NOS1AP: variants seen among roughly 807,000 people sequenced by gnomAD.
NOS1AP encodes nitric oxide synthase 1 adaptor protein.
Under a neutral mutation model 56.2 loss-of-function variants are expected in NOS1AP, and 21 were observed. That is an observed-to-expected ratio of 0.37 (90% CI 0.26 to 0.54). NOS1AP has a LOEUF of 0.54. NOS1AP is among the 20% of genes least tolerant of loss of function. The pLI is 0.84. For synonymous variants in NOS1AP, 270 were observed against 274.6 expected (o/e 0.98, Z 0.17); for missense variants, 522 against 657.8 (o/e 0.79, Z 2.26).
chr1:162,152,041 T>G (rs1649732280), intron 1 of NOS1AP, among the ~76,000 whole-genome samples: 2 of 152,170 alleles, frequency 1.3e-5, no homozygotes, highest in African/African-American at 4.8e-5. Context: ...AGCTGCCTCT[T>G]CTCTCCACCT....
chr1:162,260,764 A>G (rs181140527), intron 2 of NOS1AP, among the ~76,000 whole-genome samples: 38 of 145,908 alleles, frequency 2.6e-4, no homozygotes, highest in African/African-American at 6.1e-4. Context: ...TCTTTTGACT[A>G]TTGTCAAGGG....
rs1252793529 is a variant in NOS1AP, at chr1:162,188,633, G to A, written c.177+34157G>A. Among the ~76,000 whole-genome samples, 2 of 152,348 alleles carry A rather than the reference G, an allele frequency of 1.3e-5. No homozygotes were observed. Among genetic ancestry groups the A allele is most frequent in the East Asian group, 1.9e-4 (1 of 5,190 alleles). On this transcript the variant is annotated intron_variant, in intron 2 of 9. Transcript: ENST00000361897. The surrounding 1 kb of genome is among the most constrained non-coding windows in gnomAD (Gnocchi z 4.0). ...CGAATCTTTGGAAAAAGTGACAGAG[G>A]TGCTTTGAATGTGGGCTGCATGTGT...
chr1:162,104,955 G>A (rs1028089246), intron 1 of NOS1AP, among the ~76,000 whole-genome samples: 3 of 152,200 alleles, frequency 2.0e-5, no homozygotes, highest in African/African-American at 7.2e-5. Context: ...TGCTGGAGAG[G>A]TGTTGTGGTC....
chr1:162,283,624 C>G (rs542006691), intron 2 of NOS1AP, among the ~76,000 whole-genome samples: 1 of 152,318 alleles, frequency 6.6e-6, no homozygotes, highest in Non-Finnish European at 1.5e-5. Flanking sequence ...GCTTCCCCTT[C>G]CTGGACCTCA....
intron 3 of NOS1AP, among the ~76,000 whole-genome samples, chr1:162,295,379 G>A (rs990123528): frequency 1.3e-5 from 2 of 152,144 alleles, no homozygotes; most frequent in Non-Finnish European, 2.9e-5. Flanking sequence ...AGACTTCAAA[G>A]ACAGTTAAAC....
At chr1:162,172,127 C>T (rs1650816278) in intron 2 of NOS1AP, among the ~76,000 whole-genome samples, 1 of 152,168 alleles carries the variant, frequency 6.6e-6, no homozygotes, top group South Asian at 2.1e-4. Context: ...TAAGACCTCT[C>T]TGTAAAGCAA....
intron 6 of NOS1AP, among the ~76,000 whole-genome samples, chr1:162,350,450 G>A (rs1195766285): frequency 6.6e-6 from 1 of 152,242 alleles, no homozygotes; most frequent in African/African-American, 2.4e-5. Context: ...CCATCCCTGG[G>A]ACTCCAAGCC....
rs564015467 is a variant in NOS1AP, at chr1:162,297,220, A to G, written c.271-3413A>G. ...TGGGGTTTCACAGCCTCTTTGATGT[A>G]TTGGGTCATTGGCTCCTCTCAGTCA... On this transcript the variant is annotated intron_variant, in intron 3 of 9. Transcript: ENST00000361897. 4.6e-5 allele frequency among the ~76,000 whole-genome samples: 7 copies of G among 152,306 alleles called. No homozygotes were observed. In the East Asian group the frequency reaches 1.3e-3, roughly 29 times the overall value.
chr1:162,336,505 C>T (rs6700867), intron 5 of NOS1AP, among the ~76,000 whole-genome samples: 14,302 of 152,246 alleles, frequency 0.094, 996 homozygotes, highest in African/African-American at 0.18. Flanking sequence ...CTCCTTAACT[C>T]CGAATGGCCC....
intron 1 of NOS1AP, among the ~76,000 whole-genome samples, chr1:162,130,464 A>G (rs1317321797): frequency 6.6e-6 from 1 of 152,168 alleles, no homozygotes; most frequent in Admixed American, 6.5e-5. Flanking sequence ...ACAGGTGTTG[A>G]GCATTCAGCT....
At chr1:162,357,939 G>A (rs1462221105) in intron 8 of NOS1AP, among the ~76,000 whole-genome samples, 2 of 148,548 alleles carry the variant, frequency 1.3e-5, no homozygotes, top group Non-Finnish European at 3.1e-5. Context: ...GAATGGTGAA[G>A]ACATTCATTC....
intron 2 of NOS1AP, among the ~76,000 whole-genome samples, chr1:162,248,537 C>T (rs1386003570): frequency 2.0e-5 from 3 of 152,122 alleles, no homozygotes; most frequent in Admixed American, 1.3e-4. Flanking sequence ...TAATATGCTC[C>T]GCTTTTACCT....
chr1:162,204,670 C>A lies in NOS1AP; in HGVS notation c.177+50194C>A, dbSNP rs538247027. On this transcript the variant is annotated intron_variant, in intron 2 of 9. Transcript: ENST00000361897. The stretch of plus-strand genomic sequence containing the variant: ...TGCCTCTTGTCATATAGTGTGGAGT[C>A]CTAGCTTTTGATCAGTGCAGCTGCT... Among the ~76,000 whole-genome samples the A allele has an allele frequency of 2.6e-5, 4 of 152,310 alleles. No homozygotes were observed. The East Asian group carries it at 7.7e-4, about 29-fold the overall frequency.
intron 1 of NOS1AP, among the ~76,000 whole-genome samples, chr1:162,126,252 A>T (rs1303178121): frequency 2.6e-5 from 4 of 152,122 alleles, no homozygotes; most frequent in African/African-American, 9.7e-5. Flanking sequence ...TTCTTTTCCA[A>T]TTTGGGTGCC....
chr1:162,256,126 A>C (rs1363898420), intron 2 of NOS1AP, among the ~76,000 whole-genome samples: 4 of 152,140 alleles, frequency 2.6e-5, no homozygotes, highest in Non-Finnish European at 5.9e-5. Flanking sequence ...CCTGGGCAAC[A>C]GAGTGAGACT....
At chr1:162,190,192 G>A (rs1651575020) in intron 2 of NOS1AP, among the ~76,000 whole-genome samples, 1 of 152,136 alleles carries the variant, frequency 6.6e-6, no homozygotes, top group African/African-American at 2.4e-5. Flanking sequence ...CTCTGGCCAT[G>A]TTCACATAGA....
intron 2 of NOS1AP, among the ~76,000 whole-genome samples, chr1:162,269,899 C>T (rs1654534125): frequency 6.6e-6 from 1 of 152,002 alleles, no homozygotes; most frequent in African/African-American, 2.4e-5. Context: ...TCTGTGGTCT[C>T]CCAACTAAAA....
chr1:162,342,855 T>C (rs2101805990), intron 5 of NOS1AP, among the ~76,000 whole-genome samples: 1 of 152,252 alleles, frequency 6.6e-6, no homozygotes, highest in East Asian at 1.9e-4. Context: ...GAGTATAGGG[T>C]GACAATCACA....
rs1691629758 is a variant in NOS1AP, at chr1:162,070,145, G to A, written c.-33G>A. 1.9e-6 allele frequency: 3 copies of A among 1,574,234 alleles called. No homozygotes were observed. The highest frequency in any genetic ancestry group is 1.3e-5 in the African/African-American group (1 of 74,090). ...TCGCCAGCCCCTTCCTGCAGCCGCC[G>A]CCTCCGAAGGAGCGGGTCCGCCGCG... On this transcript the variant is annotated 5_prime_UTR_variant, in exon 1 of 10. Transcript: ENST00000361897.
Sources: allele counts gnomAD v4.1 joint callset (sites outside exome capture counted in the v4.1 genomes callset), GRCh38; gene constraint gnomAD v4.1.1; non-coding constraint Gnocchi (gnomAD v3.1); transcripts MANE v1.5; gene names NCBI Gene and HGNC (gene_info 2026-07-23, HGNC 2026-07-21).